The following SLC44A1 variants were observed in gnomAD, a reference collection of about 807,000 sequenced individuals.
SLC44A1 encodes the protein solute carrier family 44 member 1, also known as choline transporter-like protein 1.
In SLC44A1, 26 loss-of-function variants were observed where a neutral mutation model predicts 79.3. The ratio of observed to expected loss-of-function variants is 0.33; its 90% CI spans 0.24 to 0.46. The LOEUF (loss-of-function observed/expected upper bound fraction) is 0.46, where lower values mean the gene tolerates loss of function less well. SLC44A1 is among the 20% of genes least tolerant of loss of function. The pLI is 1.00. For synonymous variants in SLC44A1, 263 were observed against 286.2 expected (o/e 0.92, Z 0.82); for missense variants, 688 against 798.1 (o/e 0.86, Z 1.66).
intron 15 of SLC44A1, among the ~76,000 whole-genome samples, chr9:105,420,707 C>A (rs575191459): frequency 6.6e-6 from 1 of 151,578 alleles, no homozygotes; most frequent in African/African-American, 2.4e-5. Flanking sequence ...ACTAAAAATA[C>A]AAAATTAGCC....
intron 3 of SLC44A1, among the ~76,000 whole-genome samples, chr9:105,324,934 C>T (rs1246841037): frequency 1.3e-5 from 2 of 152,208 alleles, no homozygotes; most frequent in Non-Finnish European, 2.9e-5. Context: ...CTCTTGTAAA[C>T]AATCTGACAG....
rs34048538 is a variant in SLC44A1, at chr9:105,390,430, C to CAAAAA, written c.*1391_*1395dup. ...TATTGCACTAAATACAGGCTCTGTA[C>CAAAAA]AAAAAAAAAAAAAAAAAAAAAGCCT... On this transcript the variant is annotated 3_prime_UTR_variant, in exon 16 of 16. Transcript: ENST00000374720. 1.6e-4 allele frequency: 128 copies of CAAAAA among 824,660 alleles called. 1 individual carries two copies. Among genetic ancestry groups the CAAAAA allele is most frequent in the East Asian group, 1.2e-3 (7 of 5,984 alleles). The allele number at this position is 824,660 out of a possible 1,614,324, so 51.1% of individuals were successfully genotyped here. A position where few individuals can be genotyped will look rare whatever the true frequency, so the allele number is the denominator to read the frequency against.
At chr9:105,406,733 C>T (rs1829033952) in intron 15 of SLC44A1, among the ~76,000 whole-genome samples, 2 of 152,100 alleles carry the variant, frequency 1.3e-5, no homozygotes, top group Non-Finnish European at 2.9e-5. Flanking sequence ...CAGAGCAAGA[C>T]TTCATCTCTT....
chr9:105,304,325 C>T (rs1197760990), intron 2 of SLC44A1, among the ~76,000 whole-genome samples: 1 of 152,086 alleles, frequency 6.6e-6, no homozygotes, highest in African/African-American at 2.4e-5. Flanking sequence ...GAAATAAGAA[C>T]AACAACATTC....
At chr9:105,283,264 A>G (rs1326405193) in intron 1 of SLC44A1, among the ~76,000 whole-genome samples, 1 of 152,218 alleles carries the variant, frequency 6.6e-6, no homozygotes. Flanking sequence ...AGAGCTGCTT[A>G]TTTGTAAATT....
chr9:105,378,104 C>T (rs1342452902), intron 13 of SLC44A1, among the ~76,000 whole-genome samples: 1 of 152,106 alleles, frequency 6.6e-6, no homozygotes, highest in African/African-American at 2.4e-5. Flanking sequence ...AAAAATTAGC[C>T]AGGCATATAG....
At chr9:105,278,863 A>G (rs1362592806) in intron 1 of SLC44A1, among the ~76,000 whole-genome samples, 3 of 152,148 alleles carry the variant, frequency 2.0e-5, no homozygotes, top group South Asian at 2.1e-4. Flanking sequence ...CTCTTTAATC[A>G]TGAGAAAACT....
chr9:105,301,563 TTC>T (rs539688980), intron 2 of SLC44A1, among the ~76,000 whole-genome samples: 3 of 152,200 alleles, frequency 2.0e-5, no homozygotes, highest in Non-Finnish European at 4.4e-5. Flanking sequence ...TTTAGACGAT[TTC>T]TCTCTCTTTG....
intron 12 of SLC44A1, among the ~76,000 whole-genome samples, chr9:105,372,710 G>C (rs1016133198): frequency 6.7e-6 from 1 of 150,188 alleles, no homozygotes; most frequent in African/African-American, 2.4e-5. Flanking sequence ...CAGCACTTTG[G>C]GAGGCCAAGG....
At position 105,396,297 on chromosome 9, in the gene SLC44A1, G is replaced by A. The variant is rs376813902; in HGVS notation, c.*7241G>A. 1 of 985,100 alleles carries A rather than the reference G, an allele frequency of 1.0e-6. No homozygotes were observed. The highest frequency in any genetic ancestry group is 1.2e-6 in the Non-Finnish European group (1 of 829,682). 61.0% of individuals were successfully genotyped at this position (985,100 alleles called of 1,614,324 possible). ...TTAATCTAAAGAAGTTAGTTCAGTG[G>A]TTATTAACTGATTTTATTACAGGAG... On this transcript the variant is annotated 3_prime_UTR_variant, in exon 16 of 16. Coordinates refer to ENST00000374720, the MANE Select transcript of SLC44A1 (RefSeq NM_080546.5).
Position 105,313,062 on chromosome 9 carries a change from T to C in SLC44A1, c.269+3196T>C, listed in dbSNP as rs185538265. 1.1e-3 allele frequency among the ~76,000 whole-genome samples: 171 copies of C among 152,306 alleles called. 1 individual carries two copies. The highest frequency in any genetic ancestry group is 3.6e-3 in the African/African-American group (150 of 41,566). On this transcript the variant is annotated intron_variant, in intron 3 of 15. Coordinates refer to ENST00000374720, the MANE Select transcript of SLC44A1 (RefSeq NM_080546.5). Reference sequence around the variant, plus strand: ...ACTGTTCCTCAGTGTGATGTTCTTATTGTCTGGGACATTCAATTGATTCTT... The same window carrying C: ...ACTGTTCCTCAGTGTGATGTTCTTACTGTCTGGGACATTCAATTGATTCTT...
At position 105,396,536 on chromosome 9, in the gene SLC44A1, A is replaced by G. The variant is rs1828878666; in HGVS notation, c.*7480A>G. The G allele has an allele frequency of 2.0e-6, 2 of 985,400 alleles. No homozygotes were observed. Among genetic ancestry groups the G allele is most frequent in the Non-Finnish European group, 2.4e-6 (2 of 829,894 alleles). The allele number at this position is 985,400 out of a possible 1,614,324, so 61.0% of individuals were successfully genotyped here. A position where few individuals can be genotyped will look rare whatever the true frequency, so the allele number is the denominator to read the frequency against. On this transcript the variant is annotated 3_prime_UTR_variant, in exon 16 of 16. Transcript: ENST00000374720. ...GCCAAATTTAAAGATCAGTCAATAC[A>G]GTAGGGACCTGCTATTGATCTCTCA... is the stretch of plus-strand genomic sequence containing the variant.
intron 3 of SLC44A1, among the ~76,000 whole-genome samples, chr9:105,329,215 A>AC (rs1826676485): frequency 1.3e-5 from 2 of 152,222 alleles, no homozygotes; most frequent in Non-Finnish European, 2.9e-5. Flanking sequence ...GTAAATTGAT[A>AC]TGAGGTAATA....
chr9:105,383,520 A>T (rs959343481), intron 14 of SLC44A1, among the ~76,000 whole-genome samples, 161 bp downstream of exon 14: 10 of 152,240 alleles, frequency 6.6e-5, no homozygotes, highest in African/African-American at 2.4e-4. Flanking sequence ...AGGGTAAGTC[A>T]GGGAGGACGG....
intron 3 of SLC44A1, among the ~76,000 whole-genome samples, chr9:105,320,491 A>C (rs1009999698): frequency 1.3e-5 from 2 of 151,994 alleles, no homozygotes; most frequent in Non-Finnish European, 1.5e-5. Context: ...TTGCATTCCC[A>C]CTACAATAGT....
chr9:105,383,029 T>C lies in SLC44A1; in HGVS notation c.1633-94T>C, dbSNP rs144059173. On this transcript the variant is annotated intron_variant, in intron 13 of 15. Coordinates refer to ENST00000374720, the MANE Select transcript of SLC44A1 (RefSeq NM_080546.5). ...GGAATGGCCTCATGCAACCATCATTTATAAATAGTAGAATTTTAAGTCTGC... is the reference window on the plus strand; with the variant it reads ...GGAATGGCCTCATGCAACCATCATTCATAAATAGTAGAATTTTAAGTCTGC... 6.4e-5 allele frequency: 53 copies of C among 834,592 alleles called. No homozygotes were observed. In the Middle Eastern group the frequency reaches 9.6e-4, roughly 15 times the overall value. The allele number at this position is 834,592 out of a possible 1,614,324, so 51.7% of individuals were successfully genotyped here.
In SLC44A1 at chr9:105,361,290, G is replaced by C; in HGVS notation, c.860G>C (p.Arg287Pro). 1 of 1,613,338 alleles carries C rather than the reference G, an allele frequency of 6.2e-7. No individual in the cohort carries two copies. The highest frequency in any genetic ancestry group is 2.2e-5 in the East Asian group (1 of 44,876). Residue 287 changes from arginine to proline, a missense_variant, in exon 8 of 16, where the codon CGG (arginine) becomes CCG (proline). Arg to Pro is a moderately radical substitution (Grantham distance 103). Coordinates refer to ENST00000374720, the MANE Select transcript of SLC44A1 (RefSeq NM_080546.5). ...CTTCAGATAGCTGAAGACAATCTTCGGGCCCTCCTCATTTATGCCATTTCA... is the reference window on the plus strand; with the variant it reads ...CTTCAGATAGCTGAAGACAATCTTCCGGCCCTCCTCATTTATGCCATTTCA... ...EQLQIAEDNL[R>P]ALLIYAISAT...
chr9:105,267,802 A>G (rs1350453689), intron 1 of SLC44A1, among the ~76,000 whole-genome samples: 3 of 152,258 alleles, frequency 2.0e-5, no homozygotes, highest in East Asian at 3.9e-4. Flanking sequence ...GGGCCCTAAA[A>G]GATTGTTTGA....
chr9:105,418,314 C>CAA (rs10617928), intron 15 of SLC44A1, among the ~76,000 whole-genome samples: 29 of 57,550 alleles, frequency 5.0e-4, no homozygotes, highest in Middle Eastern at 9.8e-3. Flanking sequence ...AACTCCGTCT[C>CAA]AAAAAAAAAA....
Sources: allele counts gnomAD v4.1 joint callset (sites outside exome capture counted in the v4.1 genomes callset), GRCh38; gene constraint gnomAD v4.1.1; transcripts MANE v1.5; gene names NCBI Gene and HGNC (gene_info 2026-07-23, HGNC 2026-07-21).